The following SCAI variants were observed in gnomAD, a reference collection of about 807,000 sequenced individuals.
SCAI encodes suppressor of cancer cell invasion, also known as protein SCAI.
A neutral mutation model predicts 92.2 loss-of-function variants in SCAI; 24 were observed. The observed-to-expected ratio is 0.26, with a 90% CI of 0.19 to 0.37. The LOEUF is 0.37. SCAI is among the 10% of genes least tolerant of loss of function. SCAI has a pLI of 1.00. For missense variants in SCAI, 450 were observed against 736.2 expected (o/e 0.61, Z 4.50); for synonymous variants, 261 against 258.6 (o/e 1.01, Z -0.09).
chr9:125,004,143 T>A (rs1832422634), intron 9 of SCAI, among the ~76,000 whole-genome samples: 1 of 151,994 alleles, frequency 6.6e-6, no homozygotes. Context: ...ACCATCGTAT[T>A]CCAGCCTGGG....
intron 17 of SCAI, among the ~76,000 whole-genome samples, chr9:124,964,417 A>G (rs117434106): frequency 0.01 from 1,544 of 152,232 alleles, 12 homozygotes; most frequent in Non-Finnish European, 0.015. Context: ...CATGCACAAC[A>G]TCTAGACACA....
Position 124,943,438 on chromosome 9 carries a change from TC to T in SCAI, c.*9368del, listed in dbSNP as rs1465469448. On this transcript the variant is annotated 3_prime_UTR_variant, in exon 18 of 18. Transcript: ENST00000336505. Reference sequence around the variant, plus strand: ...TAGCTAAATAGGCAACCAAATAGCTTCATTATTTGCACGACAGATTAGCAGC... The same window carrying T: ...TAGCTAAATAGGCAACCAAATAGCTTATTATTTGCACGACAGATTAGCAGC... The T allele has an allele frequency of 6.6e-6, 1 of 152,208 alleles. No individual in the cohort carries two copies. Among genetic ancestry groups the T allele is most frequent in the Non-Finnish European group, 1.5e-5 (1 of 68,022 alleles). The allele number at this position is 152,208 out of a possible 1,614,324, so 9.4% of individuals were successfully genotyped here.
chr9:125,051,068 G>A (rs544010507), intron 3 of SCAI, among the ~76,000 whole-genome samples: 1 of 152,112 alleles, frequency 6.6e-6, no homozygotes, highest in Non-Finnish European at 1.5e-5. Context: ...TGTCACCCAG[G>A]CTGGAGTGCA....
chr9:125,093,659 G>A (rs553575185), intron 2 of SCAI, among the ~76,000 whole-genome samples: 70 of 150,488 alleles, frequency 4.7e-4, no homozygotes, highest in African/African-American at 1.5e-3. Context: ...TTCGCCTCCC[G>A]GGTTCAAGCA....
chr9:125,105,390 C>T (rs188914187), intron 2 of SCAI, among the ~76,000 whole-genome samples: 3 of 152,236 alleles, frequency 2.0e-5, no homozygotes, highest in Non-Finnish European at 2.9e-5. Context: ...CTCCTATTCC[C>T]TTCATGATAC....
intron 2 of SCAI, among the ~76,000 whole-genome samples, chr9:125,089,077 C>A (rs966516253): frequency 6.6e-6 from 1 of 152,184 alleles, no homozygotes; most frequent in African/African-American, 2.4e-5. Context: ...CCAAAACATT[C>A]CCAACCCTAC....
intron 2 of SCAI, among the ~76,000 whole-genome samples, chr9:125,121,801 C>T (rs113031943): frequency 6.9e-4 from 105 of 151,810 alleles, no homozygotes; most frequent in Non-Finnish European, 8.8e-5. Flanking sequence ...TGCAATGAGC[C>T]GGGAGATCAT....
At chr9:125,002,798 A>T (rs1832389737) in intron 11 of SCAI, among the ~76,000 whole-genome samples, 1 of 151,954 alleles carries the variant, frequency 6.6e-6, no homozygotes, top group Admixed American at 6.6e-5. Flanking sequence ...CTGCATTGTT[A>T]CACCTAAAAT....
At chr9:125,000,018 A>T in intron 12 of SCAI, 28 bp from the exon 13 acceptor site, 6 of 1,113,256 alleles carry the variant, frequency 5.4e-6, no homozygotes, top group East Asian at 2.5e-5. Flanking sequence ...AGAATCCTAG[A>T]CTTCAGTTGA....
chr9:124,969,146 T>A (rs1322380210), intron 17 of SCAI, among the ~76,000 whole-genome samples: 1 of 152,134 alleles, frequency 6.6e-6, no homozygotes, highest in African/African-American at 2.4e-5. Context: ...GGTCTCACTA[T>A]GTTACCCAGG....
In SCAI at chr9:124,949,175, A is replaced by G. The variant is rs572852509; in HGVS notation, c.*3632T>C. ...GGAGTTCGAGACCAGCCTGACCAAC[A>G]TGGTGAAACCCCATCTCAAAACACA... is the stretch of plus-strand genomic sequence containing the variant. On this transcript the variant is annotated 3_prime_UTR_variant, in exon 18 of 18. Coordinates refer to ENST00000336505, the MANE Select transcript of SCAI (RefSeq NM_001144877.3). The surrounding 1 kb of genome is among the most constrained non-coding windows in gnomAD (Gnocchi z 4.0). The G allele has an allele frequency of 6.6e-4, 100 of 152,380 alleles. No homozygotes were observed. Among genetic ancestry groups the G allele is most frequent in the African/African-American group, 2.3e-3 (97 of 41,556 alleles). The allele number at this position is 152,380 out of a possible 1,614,324, so 9.4% of individuals were successfully genotyped here.
chr9:125,074,258 CAAAAA>C (rs1160696426), intron 2 of SCAI, among the ~76,000 whole-genome samples: 5 of 84,830 alleles, frequency 5.9e-5, no homozygotes, highest in Non-Finnish European at 2.3e-5. Flanking sequence ...GACTCCATAT[CAAAAA>C]AAAAAAAAAA....
At chr9:125,137,317 A>G (rs762071653) in intron 2 of SCAI, among the ~76,000 whole-genome samples, 6 of 152,240 alleles carry the variant, frequency 3.9e-5, no homozygotes, top group Non-Finnish European at 8.8e-5. Context: ...GACTGAGAAA[A>G]TAAACTCATT....
At chr9:125,026,626 T>G (rs991402034) in intron 6 of SCAI, among the ~76,000 whole-genome samples, 186 bp downstream of exon 6, 3 of 152,226 alleles carry the variant, frequency 2.0e-5, no homozygotes, top group Non-Finnish European at 4.4e-5. Context: ...TAAACATCTT[T>G]GATATTTATT....
chr9:125,057,330 G>A (rs905532991), intron 2 of SCAI, among the ~76,000 whole-genome samples: 1 of 152,000 alleles, frequency 6.6e-6, no homozygotes, highest in Non-Finnish European at 1.5e-5. Context: ...AGAGAAATGA[G>A]GGAAATCAAC....
intron 2 of SCAI, among the ~76,000 whole-genome samples, chr9:125,135,530 G>A (rs1274423308): frequency 1.3e-5 from 2 of 152,128 alleles, no homozygotes; most frequent in Admixed American, 6.5e-5. Context: ...GTGCGCCCCT[G>A]TAATCTCAGG....
chr9:125,134,942 C>T (rs924366717), intron 2 of SCAI, among the ~76,000 whole-genome samples: 1 of 152,216 alleles, frequency 6.6e-6, no homozygotes. Context: ...TCCCAAAATG[C>T]TGAGATTACA....
chr9:125,077,709 A>ACATT (rs1439767034), intron 2 of SCAI, among the ~76,000 whole-genome samples: 1 of 141,076 alleles, frequency 7.1e-6, no homozygotes, highest in Non-Finnish European at 1.6e-5. Context: ...CAGATACTTG[A>ACATT]CATTTATTTA....
At chr9:125,007,722 A>G (rs944692968) in intron 9 of SCAI, among the ~76,000 whole-genome samples, 2 of 151,888 alleles carry the variant, frequency 1.3e-5, no homozygotes, top group Non-Finnish European at 1.5e-5. Context: ...GTGTGGCACA[A>G]TCATGGCTCA....
Sources: gnomAD v4.1 joint callset for allele counts (sites outside exome capture counted in the v4.1 genomes callset) on GRCh38, gnomAD v4.1.1 for gene constraint, Gnocchi (gnomAD v3.1) non-coding constraint, MANE v1.5 for transcripts, NCBI Gene and HGNC (gene_info 2026-07-23, HGNC 2026-07-21) for gene names.